The following CDHR4 variants were observed in gnomAD, a reference collection of about 807,000 sequenced individuals.
CDHR4 encodes cadherin related family member 4, also known as cadherin-related family member 4.
A neutral mutation model predicts 88.4 loss-of-function variants in CDHR4; 89 were observed. The observed-to-expected ratio is 1.01, with a 90% confidence interval of 0.85 to 1.20. The LOEUF is 1.20. Among genes scored for constraint, CDHR4 ranks in the 50% most tolerant of loss-of-function variants. The pLI is 0.00. For missense variants in CDHR4, 914 were observed against 1,007.2 expected (o/e 0.91, Z 1.25); for synonymous variants, 368 against 399.2 (o/e 0.92, Z 0.93).
chr3:49,797,111 C>T, intron 4 of CDHR4, 79 bp from the exon 5 acceptor site: 15 of 1,138,180 alleles, frequency 1.3e-5, no homozygotes, highest in Non-Finnish European at 1.8e-5. Flanking sequence ...AGCAGCAACC[C>T]TCCAGCAACC....
intron 9 of CDHR4, 95 bp from the exon 10 acceptor site, chr3:49,794,796 T>C (rs2081242720): frequency 3.5e-6 from 5 of 1,417,542 alleles, no homozygotes; most frequent in Non-Finnish European, 4.8e-6. Flanking sequence ...CACAAATATC[T>C]TGCCTGGATC....
In CDHR4 at chr3:49,793,976, G is replaced by A. The variant is rs1486977783; in HGVS notation, c.1310C>T (p.Pro437Leu). The A allele has an allele frequency of 3.9e-6, 6 of 1,551,568 alleles. No homozygotes were observed. The highest frequency in any genetic ancestry group is 4.4e-6 in the Non-Finnish European group (5 of 1,147,010). ...ACAGGCTGGGGAGAACTCGTTGATGGGTGTCACCATCACCAGTACCGGCAC... is the reference window on the plus strand; with the variant it reads ...ACAGGCTGGGGAGAACTCGTTGATGAGTGTCACCATCACCAGTACCGGCAC... ...TEVPVLVMVT[P>L]INEFSPACAP... Residue 437 changes from proline to leucine, a missense_variant, in exon 11 of 19, where the codon CCC (proline) becomes CTC (leucine). Physicochemically the swap from Pro to Leu is moderately conservative, Grantham distance 98. Transcript: ENST00000412678.
rs1321367269 is a variant in CDHR4 at position 49,795,987 on chromosome 3, C to T, written c.666G>A (p.Val222=). 2.2e-5 allele frequency: 34 copies of T among 1,545,726 alleles called. No individual in the cohort carries two copies. Among genetic ancestry groups the T allele is most frequent in the South Asian group, 8.4e-5 (7 of 83,032 alleles). Residue 222 remains valine (V), a synonymous_variant, in exon 6 of 19, where the codon GTG becomes GTA. Coordinates refer to ENST00000412678, the MANE Select transcript of CDHR4 (RefSeq NM_001007540.4). The surrounding 1 kb of genome is among the most constrained non-coding windows in gnomAD (Gnocchi z 5.4). ...AGGGAACAGGCAAAACCTTCACTAT[C>T]ACCATCCCTTGGCAGCTTTGCCTTT... is the stretch of plus-strand genomic sequence containing the variant. ...FGQRQSCQGM[V]IVKVLPVPSS... is the part of the protein sequence containing the mutation.
At chr3:49,791,028 G>A in intron 18 of CDHR4, 141 bp from the exon 19 acceptor site, 3 of 656,400 alleles carry the variant, frequency 4.6e-6, no homozygotes, top group Non-Finnish European at 5.2e-6. Context: ...AATCTAACCT[G>A]TCCCCTCCCT....
At chr3:49,797,615 G>A (rs1192734853) in intron 4 of CDHR4, among the ~76,000 whole-genome samples, 3 of 152,124 alleles carry the variant, frequency 2.0e-5, no homozygotes, top group Non-Finnish European at 4.4e-5. Context: ...CCGAATAGCT[G>A]AGATTACAGG....
At position 49,790,741 on chromosome 3, in the gene CDHR4, T is replaced by A; in HGVS notation, c.*91A>T. ...GCTACAAGGCTAGAACTTTTCTTTT[T>A]GTAATTTTGTTTATTATGAATCAAC... On this transcript the variant is annotated 3_prime_UTR_variant, in exon 19 of 19. Transcript: ENST00000412678. 4 of 1,189,480 alleles carry A rather than the reference T, an allele frequency of 3.4e-6. No homozygotes were observed. The highest frequency in any genetic ancestry group is 4.7e-6 in the Non-Finnish European group (4 of 849,472). The allele number at this position is 1,189,480 out of a possible 1,614,324, so 73.7% of individuals were successfully genotyped here. A position where few individuals can be genotyped will look rare whatever the true frequency, so the allele number is the denominator to read the frequency against.
chr3:49,795,521 T>C lies in CDHR4; in HGVS notation c.847+107A>G. The stretch of plus-strand genomic sequence containing the variant: ...TGAGCCTGGCCCTCCTGCTGCCTTC[T>C]CCAAGACCAGGCCCCCAAACAGGAA... On this transcript the variant is annotated intron_variant, in intron 7 of 18. Transcript: ENST00000412678. This position sits in a 1 kb window ranked among gnomAD's most constrained non-coding sequence, Gnocchi z 5.4. The C allele has an allele frequency of 5.3e-6, 8 of 1,507,596 alleles. No individual in the cohort carries two copies. Among genetic ancestry groups the C allele is most frequent in the Non-Finnish European group, 7.1e-6 (8 of 1,121,624 alleles). The allele number at this position is 1,507,596 out of a possible 1,614,324, so 93.4% of individuals were successfully genotyped here.
chr3:49,793,484 A>C, intron 12 of CDHR4, 99 bp downstream of exon 12: 1 of 1,493,126 alleles, frequency 6.7e-7, no homozygotes. Context: ...CAACTCGTGG[A>C]AGAAACCAAG....
chr3:49,794,711 G>C lies in CDHR4; in HGVS notation c.1186-10C>G. ...CCAGTGTGGCATTCACCTAGCCAAA[G>C]GGGCTAGAAAGTGAGGTCCAGCCAG... is the stretch of plus-strand genomic sequence containing the variant. On this transcript the variant is annotated splice_polypyrimidine_tract_variant and intron_variant, in intron 9 of 18. Coordinates refer to ENST00000412678, the MANE Select transcript of CDHR4 (RefSeq NM_001007540.4). 1.3e-6 allele frequency: 2 copies of C among 1,548,796 alleles called. No homozygotes were observed. Among genetic ancestry groups the C allele is most frequent in the Non-Finnish European group, 1.7e-6 (2 of 1,145,220 alleles).
intron 4 of CDHR4, among the ~76,000 whole-genome samples, chr3:49,797,550 T>A (rs2081290039): frequency 1.3e-5 from 2 of 152,096 alleles, no homozygotes; most frequent in Non-Finnish European, 2.9e-5. Flanking sequence ...GGCTCAGTCT[T>A]GGCTCACTGC....
At position 49,791,743 on chromosome 3, in the gene CDHR4, A is replaced by G. The variant is rs369321697; in HGVS notation, c.2254T>C (p.Ser752Pro). The change falls in exon 17 of 19, where the codon TCC (serine) becomes CCC (proline). Residue 752 changes from serine (S) to proline (P), a missense_variant. Coordinates refer to ENST00000412678, the MANE Select transcript of CDHR4 (RefSeq NM_001007540.4). ...GFLEAPKMEM[S>P]QAPSSVMSLH... ...CTCATGACACTGCTGGGTGCCTGGG[A>G]CATCTCCATCTTCGGTGCCTCCAGG... 33 of 1,551,580 alleles carry G rather than the reference A, an allele frequency of 2.1e-5. No individual in the cohort carries two copies. Among genetic ancestry groups the G allele is most frequent in the Non-Finnish European group, 2.9e-5 (33 of 1,146,988 alleles).
At position 49,799,276 on chromosome 3, in the gene CDHR4, C is replaced by T; in HGVS notation, c.211G>A (p.Ala71Thr). The T allele has an allele frequency of 2.5e-6, 4 of 1,613,696 alleles. No individual in the cohort carries two copies. Among genetic ancestry groups the T allele is most frequent in the Non-Finnish European group, 3.4e-6 (4 of 1,179,690 alleles). The change falls in exon 2 of 19, where the codon GCC (alanine) becomes ACC (threonine). Residue 71 changes from alanine (A) to threonine (T), a missense_variant. Coordinates refer to ENST00000412678, the MANE Select transcript of CDHR4 (RefSeq NM_001007540.4). ...CCCACATAGGTCCCTTGCCACCTGG[C>T]CAAGCTGGGTGGGTTGAAGAAGGTG... Reference protein sequence around the residue: ...PTTFFNPPSLARWQGTYVGKL... With the variant: ...PTTFFNPPSLTRWQGTYVGKL...
rs2081187701 is a variant in CDHR4 at position 49,792,075 on chromosome 3, C to G, written c.2139-116G>C. 3 of 1,033,144 alleles carry G rather than the reference C, an allele frequency of 2.9e-6. No individual in the cohort carries two copies. The South Asian group carries it at 4.3e-5, about 15-fold the overall frequency. 64.0% of individuals were successfully genotyped at this position (1,033,144 alleles called of 1,614,324 possible). On this transcript the variant is annotated intron_variant, in intron 15 of 18. Coordinates refer to ENST00000412678, the MANE Select transcript of CDHR4 (RefSeq NM_001007540.4). The stretch of plus-strand genomic sequence containing the variant: ...GAACAACCAATGTCTGTATGCAGTG[C>G]CCACATTGTTACATCCCCTTTCCCT...
In CDHR4 at chr3:49,792,881, T is replaced by C. The variant is rs1484507714; in HGVS notation, c.1968A>G (p.Thr656=). The change falls in exon 14 of 19, where the codon ACA becomes ACG. Residue 656 remains threonine (T), a synonymous_variant. Transcript: ENST00000412678. ...IVHLVPRRAS[T]VATSTHRTTV... is the part of the protein sequence containing the mutation. Reference sequence around the variant, plus strand: ...TGGTTCTGTGGGTGCTGGTGGCCACTGTGCTGGCCCTCCGGGGAACTAGAT... The same window carrying C: ...TGGTTCTGTGGGTGCTGGTGGCCACCGTGCTGGCCCTCCGGGGAACTAGAT... 9 of 1,544,766 alleles carry C rather than the reference T, an allele frequency of 5.8e-6. No individual in the cohort carries two copies. Among genetic ancestry groups the C allele is most frequent in the African/African-American group, 1.4e-5 (1 of 72,938 alleles).
At chr3:49,791,237 G>GTCA in intron 18 of CDHR4, among the ~76,000 whole-genome samples, 1 of 152,178 alleles carries the variant, frequency 6.6e-6, no homozygotes, top group Non-Finnish European at 1.5e-5. Flanking sequence ...CCAGATATGA[G>GTCA]TCATCTCCTG....
rs866044718 is a variant in CDHR4 at position 49,792,509 on chromosome 3, G to A, written c.2097C>T (p.Leu699=). ...CAAGAAGCCAGCCTAGGGCCAAGAG[G>A]AGAAGAGCACCAGTTGCTGTCAACA... ...VVVLTATGAL[L]LLALGWLLGR... is the part of the protein sequence containing the mutation. The change falls in exon 15 of 19, where the codon CTC becomes CTT. Residue 699 remains leucine (L), a synonymous_variant. Transcript: ENST00000412678. 2.6e-6 allele frequency: 4 copies of A among 1,551,602 alleles called. No homozygotes were observed. The Admixed American group carries it at 5.9e-5, about 23-fold the overall frequency.
chr3:49,796,183 C>A, intron 5 of CDHR4, 137 bp from the exon 6 acceptor site: 1 of 593,792 alleles, frequency 1.7e-6, no homozygotes, highest in Middle Eastern at 4.4e-4. Flanking sequence ...TCCCCATGAT[C>A]CCCATGACCT....
chr3:49,799,088 G>T lies in CDHR4; in HGVS notation c.309C>A (p.Phe103Leu). The T allele has an allele frequency of 6.3e-7, 1 of 1,579,442 alleles. No homozygotes were observed. The highest frequency in any genetic ancestry group is 8.6e-7 in the Non-Finnish European group (1 of 1,162,378). Residue 103 changes from phenylalanine (F) to leucine (L), a missense_variant, in exon 3 of 19, where the codon TTC becomes TTA. Coordinates refer to ENST00000412678, the MANE Select transcript of CDHR4 (RefSeq NM_001007540.4). ...MVNHYKVQLK[F>L]TCGNHVMEGS... ...CCTCCATCACATGGTTGCCACATGT[G>T]AACTTCAGCTGCACCTTGTAGTGGT... is the stretch of plus-strand genomic sequence containing the variant.
Position 49,795,015 on chromosome 3 carries a change from C to A in CDHR4, c.1117G>T (p.Asp373Tyr). Residue 373 changes from aspartate (D) to tyrosine (Y), a missense_variant, in exon 9 of 19, where the codon GAC becomes TAC. Asp to Tyr is a radical substitution (Grantham distance 160, BLOSUM62 -3). Coordinates refer to ENST00000412678, the MANE Select transcript of CDHR4 (RefSeq NM_001007540.4). This position sits in a 1 kb window ranked among gnomAD's most constrained non-coding sequence, Gnocchi z 5.4. ...GAGCTGCGGAACCACAGCTTGTAGTCCAGGGTGGCACCAACAGAGTCCGGA... is the reference window on the plus strand; with the variant it reads ...GAGCTGCGGAACCACAGCTTGTAGTACAGGGTGGCACCAACAGAGTCCGGA... ...EDPDSVGATL[D>Y]YKLWFRSSSN... is the part of the protein sequence containing the mutation. 1.3e-6 allele frequency: 2 copies of A among 1,551,634 alleles called. No homozygotes were observed. The highest frequency in any genetic ancestry group is 1.7e-6 in the Non-Finnish European group (2 of 1,146,976).
Sources: allele counts gnomAD v4.1 joint callset (sites outside exome capture counted in the v4.1 genomes callset), GRCh38; gene constraint gnomAD v4.1.1; non-coding constraint Gnocchi (gnomAD v3.1); transcripts MANE v1.5; gene names NCBI Gene and HGNC (gene_info 2026-07-23, HGNC 2026-07-21).